SPRR2B: variants seen among roughly 807,000 people sequenced by gnomAD.
SPRR2B encodes small proline-rich protein 2B.
A neutral mutation model predicts 1.0 loss-of-function variants in SPRR2B; 1 was observed. That is an observed-to-expected ratio of 1.01 (90% CI 0.36 to 4.77). The LOEUF (loss-of-function observed/expected upper bound fraction) is 4.77. Ranked by LOEUF, SPRR2B falls within the 30% of genes most tolerant of loss-of-function variation. SPRR2B has a pLI of 0.16. For synonymous variants in SPRR2B, 27 were observed against 33.4 expected (o/e 0.81, Z 0.66); for missense variants, 53 against 88.7 (o/e 0.60, Z 1.62).
chr1:153,071,616 T>G (rs998406796), upstream of SPRR2B, among the ~76,000 whole-genome samples: 1 of 151,940 alleles, frequency 6.6e-6, no homozygotes, highest in Non-Finnish European at 1.5e-5. Flanking sequence ...AGTTTAGGAG[T>G]TGGGCAGCAG....
At chr1:153,074,398 G>A (rs1392290904), upstream of SPRR2B, among the ~76,000 whole-genome samples, 2 of 152,170 alleles carry the variant, frequency 1.3e-5, no homozygotes, top group African/African-American at 4.8e-5. Context: ...AAATATTCTT[G>A]ATAAGCTCAG....
chr1:153,078,494 C>T, the SPRR2B span, among the ~76,000 whole-genome samples: 8,699 of 151,904 alleles, frequency 0.057, 904 homozygotes, highest in African/African-American at 0.2. Context: ...GGTATATCTC[C>T]AAATGCTATC....
At chr1:153,079,441 T>C in the SPRR2B span, among the ~76,000 whole-genome samples, 1 of 152,338 alleles carries the variant, frequency 6.6e-6, no homozygotes, top group East Asian at 1.9e-4. Context: ...TCCTTGCCCA[T>C]GCCTATGTAC....
chr1:153,087,661 C>A, the SPRR2B span, among the ~76,000 whole-genome samples: 1 of 152,130 alleles, frequency 6.6e-6, no homozygotes, highest in African/African-American at 2.4e-5. Flanking sequence ...CAAATGCATT[C>A]TTGGACACAT....
the SPRR2B span, among the ~76,000 whole-genome samples, chr1:153,080,932 A>C: frequency 6.6e-6 from 1 of 152,210 alleles, no homozygotes; most frequent in Non-Finnish European, 1.5e-5. Flanking sequence ...GTACACACTC[A>C]TGCAATGGAA....
rs760253175 is a variant in SPRR2B at position 153,070,855 on chromosome 1, G to A, written c.-16C>T. 2.9e-6 allele frequency: 4 copies of A among 1,357,792 alleles called. No homozygotes were observed. Among genetic ancestry groups the A allele is most frequent in the Admixed American group, 3.7e-5 (2 of 53,704 alleles). 84.1% of individuals were successfully genotyped at this position (1,357,792 alleles called of 1,614,324 possible). A position where few individuals can be genotyped will look rare whatever the true frequency, so the allele number is the denominator to read the frequency against. ...GATAAGACATCCTGCTGGAGTCTCA[G>A]GATCTGAAAGAAATGATACAACAGT... is the stretch of plus-strand genomic sequence containing the variant. On this transcript the variant is annotated 5_prime_UTR_variant, in exon 2 of 2. Transcript: ENST00000368755.
the SPRR2B span, among the ~76,000 whole-genome samples, chr1:153,080,862 T>C: frequency 2.3e-3 from 351 of 152,324 alleles, 4 homozygotes; most frequent in African/African-American, 8.1e-3. Context: ...GCTTTAGTCA[T>C]AACATCCACT....
At chr1:153,087,278 T>A in the SPRR2B span, among the ~76,000 whole-genome samples, 28 of 150,472 alleles carry the variant, frequency 1.9e-4, no homozygotes, top group Non-Finnish European at 3.0e-5. Context: ...TGACTCCATC[T>A]CAAAAAGAAA....
At chr1:153,086,603 A>G in the SPRR2B span, among the ~76,000 whole-genome samples, 1 of 152,156 alleles carries the variant, frequency 6.6e-6, no homozygotes, top group Non-Finnish European at 1.5e-5. Context: ...GTAAGATACA[A>G]CAGAAGAACA....
chr1:153,080,491 G>A, the SPRR2B span, among the ~76,000 whole-genome samples: 1 of 151,718 alleles, frequency 6.6e-6, no homozygotes, highest in Admixed American at 6.6e-5. Context: ...CAATCACAGT[G>A]GAATAAAACT....
At chr1:153,072,879 T>C (rs753235195), upstream of SPRR2B, among the ~76,000 whole-genome samples, 1 of 152,208 alleles carries the variant, frequency 6.6e-6, no homozygotes, top group Non-Finnish European at 1.5e-5. Flanking sequence ...CTAAGCATCA[T>C]ATATTAAACA....
the SPRR2B span, among the ~76,000 whole-genome samples, chr1:153,086,836 A>T: frequency 5.3e-5 from 8 of 152,142 alleles, no homozygotes; most frequent in Non-Finnish European, 1.5e-5. Flanking sequence ...GAAATAAAAT[A>T]CTCCTAAGTA....
At chr1:153,075,617 A>C (rs1654756087), upstream of SPRR2B, among the ~76,000 whole-genome samples, 1 of 152,254 alleles carries the variant, frequency 6.6e-6, no homozygotes, top group Non-Finnish European at 1.5e-5. Flanking sequence ...CTGCATTTAA[A>C]GTATTTAGCA....
At chr1:153,077,729 C>T in the SPRR2B span, among the ~76,000 whole-genome samples, 1 of 151,936 alleles carries the variant, frequency 6.6e-6, no homozygotes, top group African/African-American at 2.4e-5. Context: ...TATTATCTTG[C>T]CTCAGCCTCC....
At chr1:153,072,599 A>C (rs1162604871), upstream of SPRR2B, among the ~76,000 whole-genome samples, 1 of 152,188 alleles carries the variant, frequency 6.6e-6, no homozygotes, top group East Asian at 1.9e-4. Flanking sequence ...ATATCAACTC[A>C]GTGTGATCCT....
the SPRR2B span, among the ~76,000 whole-genome samples, chr1:153,087,265 G>A: frequency 6.6e-6 from 1 of 151,868 alleles, no homozygotes. Context: ...GGGCAACAGA[G>A]AGTGACTCCA....
At chr1:153,087,317 A>G in the SPRR2B span, among the ~76,000 whole-genome samples, 5 of 152,188 alleles carry the variant, frequency 3.3e-5, no homozygotes, top group African/African-American at 1.2e-4. Flanking sequence ...CTCAATGCAA[A>G]AACATAACAT....
chr1:153,072,948 G>A (rs1654699553), upstream of SPRR2B, among the ~76,000 whole-genome samples: 1 of 152,108 alleles, frequency 6.6e-6, no homozygotes. Context: ...ACCTTTCCAA[G>A]AATGTGGTTT....
At chr1:153,078,810 G>A in the SPRR2B span, among the ~76,000 whole-genome samples, 1 of 152,144 alleles carries the variant, frequency 6.6e-6, no homozygotes, top group African/African-American at 2.4e-5. Context: ...TGTGAATAGT[G>A]CTGCAATAAA....
Sources: gnomAD v4.1 joint callset for allele counts (sites outside exome capture counted in the v4.1 genomes callset) on GRCh38, gnomAD v4.1.1 for gene constraint, MANE v1.5 for transcripts, NCBI Gene and HGNC (gene_info 2026-07-23, HGNC 2026-07-21) for gene names.